CCNG1: variants seen among roughly 807,000 people sequenced by gnomAD.
CCNG1 encodes the protein cyclin-G1.
Under a neutral mutation model 30.0 loss-of-function variants are expected in CCNG1, and 13 were observed. That is an observed-to-expected ratio of 0.43 (90% CI 0.28 to 0.69). The LOEUF (loss-of-function observed/expected upper bound fraction) is 0.69. Among genes scored for constraint, CCNG1 ranks in the 30% least tolerant of loss-of-function variants. The pLI is 0.16. For synonymous variants in CCNG1, 110 were observed against 121.5 expected (o/e 0.91, Z 0.62); for missense variants, 285 against 331.4 (o/e 0.86, Z 1.09).
chr5:163,441,391 A>AC, intron 3 of CCNG1, 60 bp downstream of exon 3: 1 of 1,442,204 alleles, frequency 6.9e-7, no homozygotes, highest in South Asian at 1.3e-5. Flanking sequence ...TTGTATGGAT[A>AC]TTGCATAAAA....
At chr5:163,441,847 G>A (rs751919236) in intron 3 of CCNG1, 39 bp from the exon 4 acceptor site, 2 of 1,236,132 alleles carry the variant, frequency 1.6e-6, no homozygotes, top group South Asian at 2.5e-5. Flanking sequence ...ACTAGATGTA[G>A]TATTACCTAA....
At chr5:163,439,193 A>G (rs1174727759) in intron 1 of CCNG1, 64 bp from the exon 2 acceptor site, 1 of 1,433,774 alleles carries the variant, frequency 7.0e-7, no homozygotes, top group Non-Finnish European at 9.6e-7. Flanking sequence ...CAGTGCAAAG[A>G]TGGCCAAGGA....
At chr5:163,438,714 T>G (rs554922774) in intron 1 of CCNG1, among the ~76,000 whole-genome samples, 2 of 152,352 alleles carry the variant, frequency 1.3e-5, no homozygotes, top group South Asian at 4.1e-4. Context: ...TCTTGAAGAT[T>G]TGCATTTTAT....
intron 5 of CCNG1, 65 bp downstream of exon 5, chr5:163,442,208 C>T (rs1442208265): frequency 8.4e-7 from 1 of 1,190,384 alleles, no homozygotes; most frequent in African/African-American, 1.5e-5. Flanking sequence ...CCTTCTATCT[C>T]CTGAAGTAAA....
chr5:163,439,607 A>C, intron 2 of CCNG1, 87 bp downstream of exon 2: 1 of 1,225,282 alleles, frequency 8.2e-7, no homozygotes. Flanking sequence ...CATAAACTTG[A>C]CCTTTTTTTT....
intron 6 of CCNG1, 72 bp from the exon 7 acceptor site, chr5:163,443,602 A>G: frequency 1.3e-6 from 1 of 761,814 alleles, no homozygotes; most frequent in Non-Finnish European, 2.2e-6. Flanking sequence ...GAACATTTCA[A>G]TTTTCTTAGT....
chr5:163,445,622 T>TTTTTTTC (rs1758022013), downstream of CCNG1, among the ~76,000 whole-genome samples: 2 of 139,210 alleles, frequency 1.4e-5, no homozygotes, highest in African/African-American at 2.7e-5. Context: ...CCCAGCTAAT[T>TTTTTTTC]TTTTTTTTTT....
At chr5:163,439,619 T>C in intron 2 of CCNG1, 99 bp downstream of exon 2, 1 of 1,006,860 alleles carries the variant, frequency 9.9e-7, no homozygotes, top group South Asian at 1.6e-5. Context: ...CTTTTTTTTT[T>C]CAGCACGTAG....
At chr5:163,442,684 G>A in intron 6 of CCNG1, 116 bp downstream of exon 6, 2 of 791,150 alleles carry the variant, frequency 2.5e-6, no homozygotes, top group Middle Eastern at 2.7e-4. Context: ...AATAGTAAAG[G>A]GGGAGATGAC....
chr5:163,454,801 C>T, the CCNG1 span, among the ~76,000 whole-genome samples: 30 of 152,142 alleles, frequency 2.0e-4, no homozygotes, highest in Admixed American at 1.9e-3. Context: ...ATTTGTTGAG[C>T]TCCTACTGTT....
rs559668717 is a variant in CCNG1 at position 163,437,665 on chromosome 5, G to T, written c.-140G>T. 3 of 152,420 alleles carry T rather than the reference G, an allele frequency of 2.0e-5. No homozygotes were observed. In the East Asian group the frequency reaches 5.8e-4, roughly 30 times the overall value. 9.4% of individuals were successfully genotyped at this position (152,420 alleles called of 1,614,324 possible). On this transcript the variant is annotated 5_prime_UTR_variant, in exon 1 of 7. Transcript: ENST00000340828. ...CGGCGCTGCCGAGGCCTCCACCCAG[G>T]ACAGTCCCCCTCCCCGGGCCTCTCT...
rs767926224 is a variant in CCNG1, at chr5:163,442,505, A to T, written c.828A>T (p.Gln276His). 35 of 1,613,908 alleles carry T rather than the reference A, an allele frequency of 2.2e-5. No individual in the cohort carries two copies. Among genetic ancestry groups the T allele is most frequent in the Non-Finnish European group, 3.0e-5 (35 of 1,179,948 alleles). The change falls in exon 6 of 7, where the codon CAA becomes CAT. Residue 276 changes from glutamine to histidine, a missense_variant. Physicochemically the swap from Gln to His is conservative, Grantham distance 24 (BLOSUM62 0). Coordinates refer to ENST00000340828, the MANE Select transcript of CCNG1 (RefSeq NM_004060.4). Reference protein sequence around the residue: ...KWIVSGRTARQLKHSYYRITH... With the variant: ...KWIVSGRTARHLKHSYYRITH... Reference sequence around the variant, plus strand: ...TTGTTTCTGGGCGTACTGCACGGCAATTGAAGCATAGCTACTACAGAATAA... The same window carrying T: ...TTGTTTCTGGGCGTACTGCACGGCATTTGAAGCATAGCTACTACAGAATAA...
the CCNG1 span, chr5:163,451,166 A>G: frequency 1.2e-3 from 188 of 152,334 alleles, no homozygotes; most frequent in African/African-American, 4.3e-3. Flanking sequence ...CAAGGTTTCT[A>G]TCTGAGGTGA....
At chr5:163,449,728 A>T (rs1384548642), downstream of CCNG1, 1 of 152,232 alleles carries the variant, frequency 6.6e-6, no homozygotes. Flanking sequence ...AAACACATAG[A>T]TCGATGGAAT....
In CCNG1 at chr5:163,444,089, T is replaced by TAA. The variant is rs1013918775; in HGVS notation, c.*421_*422dup. 1 of 175,350 alleles carries TAA rather than the reference T, an allele frequency of 5.7e-6. No homozygotes were observed. The highest frequency in any genetic ancestry group is 2.4e-5 in the African/African-American group (1 of 42,208). 10.9% of individuals were successfully genotyped at this position (175,350 alleles called of 1,614,324 possible). ...TCATTATTCTAATCCTACTCCTACT[T>TAA]AAATTTTAAGTTATGAGGTTTATGT... On this transcript the variant is annotated 3_prime_UTR_variant, in exon 7 of 7. Coordinates refer to ENST00000340828, the MANE Select transcript of CCNG1 (RefSeq NM_004060.4).
chr5:163,445,620 A>ATTTTTTTTTTTTTTTT (rs56065634), downstream of CCNG1, among the ~76,000 whole-genome samples: 3 of 107,986 alleles, frequency 2.8e-5, no homozygotes, highest in Non-Finnish European at 5.3e-5. Flanking sequence ...CACCCAGCTA[A>ATTTTTTTTTTTTTTTT]TTTTTTTTTT....
chr5:163,446,427 T>C (rs143403665), downstream of CCNG1: 320 of 152,218 alleles, frequency 2.1e-3, 1 homozygote, highest in African/African-American at 7.4e-3. Flanking sequence ...TACTTGGAGG[T>C]AGGATTCAAA....
intron 1 of CCNG1, among the ~76,000 whole-genome samples, chr5:163,438,957 C>T (rs1358489751): frequency 6.9e-6 from 1 of 144,964 alleles, no homozygotes; most frequent in Admixed American, 7.1e-5. Context: ...ACCAGGGAGT[C>T]GGAGGTTGCA....
rs780306342 is a variant in CCNG1, at chr5:163,441,253, G to C, written c.440G>C (p.Trp147Ser). Residue 147 changes from tryptophan to serine, a missense_variant, in exon 3 of 7, where the codon TGG (tryptophan) becomes TCG (serine). Trp to Ser is a radical substitution (Grantham distance 177). Coordinates refer to ENST00000340828, the MANE Select transcript of CCNG1 (RefSeq NM_004060.4). ...MEKIVLEKVCWKVKATTAFQF... is the reference protein window; with the variant it reads ...MEKIVLEKVCSKVKATTAFQF... ...AAGATTGTATTGGAGAAGGTGTGTT[G>C]GAAAGTCAAAGCTACTACTGCCTTT... 7.4e-6 allele frequency: 12 copies of C among 1,613,722 alleles called. No individual in the cohort carries two copies. The highest frequency in any genetic ancestry group is 1.0e-5 in the Non-Finnish European group (12 of 1,179,794).
Sources: gnomAD v4.1 joint callset for allele counts (sites outside exome capture counted in the v4.1 genomes callset) on GRCh38, gnomAD v4.1.1 for gene constraint, MANE v1.5 for transcripts, NCBI Gene and HGNC (gene_info 2026-07-23, HGNC 2026-07-21) for gene names.